Variants in MTUS2 observed in about 807,000 individuals in gnomAD.
The protein encoded by MTUS2 is microtubule associated scaffold protein 2.
A neutral mutation model predicts 114.1 loss-of-function variants in MTUS2; 40 were observed. The ratio of observed to expected loss-of-function variants is 0.35; its 90% CI spans 0.27 to 0.46. The LOEUF is 0.46. Among genes scored for constraint, MTUS2 ranks in the 20% least tolerant of loss-of-function variants. MTUS2 has a pLI of 1.00. For missense variants in MTUS2, 1,679 were observed against 1,705.4 expected (o/e 0.98, Z 0.27); for synonymous variants, 688 against 672.0 (o/e 1.02, Z -0.37).
chr13:28,883,981 A>T (rs975874803), intron 2 of MTUS2, among the ~76,000 whole-genome samples: 7 of 152,122 alleles, frequency 4.6e-5, no homozygotes, highest in Non-Finnish European at 7.4e-5. Flanking sequence ...AAATAGTATG[A>T]TGTTTCCTCA....
intron 8 of MTUS2, among the ~76,000 whole-genome samples, chr13:29,430,774 G>A (rs1876935175): frequency 1.3e-5 from 2 of 152,058 alleles, no homozygotes; most frequent in Non-Finnish European, 2.9e-5. Flanking sequence ...TTACCTATTG[G>A]GCCAGGTATT....
intron 5 of MTUS2, among the ~76,000 whole-genome samples, chr13:29,158,964 G>A (rs1166671898): frequency 6.6e-6 from 1 of 152,184 alleles, no homozygotes; most frequent in Non-Finnish European, 1.5e-5. Context: ...TGATGGAGCA[G>A]TAACTTGGAA....
chr13:29,225,631 T>C (rs1896077417), intron 5 of MTUS2, among the ~76,000 whole-genome samples: 1 of 152,230 alleles, frequency 6.6e-6, no homozygotes, highest in Admixed American at 6.5e-5. Flanking sequence ...ATAGCTGAAA[T>C]GAATTCTCTT....
chr13:29,199,436 T>A (rs560296792), intron 5 of MTUS2, among the ~76,000 whole-genome samples: 6 of 152,374 alleles, frequency 3.9e-5, no homozygotes, highest in African/African-American at 1.4e-4. Flanking sequence ...TTTCTGCATT[T>A]ATTGAGATAA....
intron 5 of MTUS2, among the ~76,000 whole-genome samples, chr13:29,248,930 A>G (rs1458909303): frequency 6.6e-6 from 1 of 152,226 alleles, no homozygotes; most frequent in African/African-American, 2.4e-5. Context: ...TAGTGCTGCA[A>G]TAAACATATG....
intron 5 of MTUS2, among the ~76,000 whole-genome samples, chr13:29,210,659 C>T (rs1412134497): frequency 6.6e-6 from 1 of 152,166 alleles, no homozygotes; most frequent in Non-Finnish European, 1.5e-5. Context: ...AGGGATGGGG[C>T]TTCCTGAGAG....
intron 8 of MTUS2, among the ~76,000 whole-genome samples, chr13:29,416,082 AT>A (rs139281629): frequency 0.022 from 2,794 of 127,696 alleles, 40 homozygotes; most frequent in African/African-American, 0.031. Context: ...CACCCCACTA[AT>A]TTTTTTTTTT....
At chr13:29,483,668 G>A (rs762851879) in intron 10 of MTUS2, among the ~76,000 whole-genome samples, 12 of 152,130 alleles carry the variant, frequency 7.9e-5, no homozygotes, top group Non-Finnish European at 1.3e-4. Flanking sequence ...GGGGACCTGA[G>A]GGGGTGGTGT....
At chr13:28,987,402 G>T (rs1884637741) in intron 2 of MTUS2, among the ~76,000 whole-genome samples, 1 of 152,170 alleles carries the variant, frequency 6.6e-6, no homozygotes. Flanking sequence ...CAGCCTACTA[G>T]AGGGGGAGAA....
At chr13:29,210,981 C>T (rs553839722) in intron 5 of MTUS2, among the ~76,000 whole-genome samples, 39 of 152,102 alleles carry the variant, frequency 2.6e-4, no homozygotes, top group African/African-American at 9.2e-4. Flanking sequence ...CTAATGCCAC[C>T]TGGGTGGTAA....
intron 8 of MTUS2, among the ~76,000 whole-genome samples, chr13:29,383,244 G>GTATATATATATATATATATATATATATA: frequency 1.9e-5 from 1 of 53,540 alleles, no homozygotes; most frequent in African/African-American, 4.2e-5. Context: ...GTGTGTGTGT[G>GTATATATATATATATATATATATATATA]TGTGTGTGTA....
chr13:29,083,036 T>C (rs1889516029), intron 4 of MTUS2, among the ~76,000 whole-genome samples: 1 of 152,040 alleles, frequency 6.6e-6, no homozygotes, highest in Non-Finnish European at 1.5e-5. Context: ...AGGAAGGATA[T>C]TTTGCTTCCT....
chr13:29,214,398 A>G (rs1379113668), intron 5 of MTUS2, among the ~76,000 whole-genome samples: 3 of 152,224 alleles, frequency 2.0e-5, no homozygotes, highest in Admixed American at 1.3e-4. Context: ...TAATCCTGTC[A>G]TCATGATGCT....
At chr13:29,214,224 A>T (rs1895583369) in intron 5 of MTUS2, among the ~76,000 whole-genome samples, 1 of 149,182 alleles carries the variant, frequency 6.7e-6, no homozygotes, top group African/African-American at 2.5e-5. Context: ...GTATTCCTCC[A>T]TCCCTTTATT....
intron 1 of MTUS2, among the ~76,000 whole-genome samples, chr13:28,822,072 T>G (rs1164367022): frequency 2.0e-5 from 3 of 152,240 alleles, no homozygotes; most frequent in South Asian, 4.1e-4. Context: ...TAGGAAAGAT[T>G]ATTTTCCATA....
intron 2 of MTUS2, among the ~76,000 whole-genome samples, chr13:28,858,311 GA>G (rs1257830859): frequency 1.3e-5 from 2 of 152,112 alleles, no homozygotes; most frequent in Admixed American, 1.3e-4. Context: ...CATGTCTAAA[GA>G]AAAAAGCATG....
At chr13:29,426,806 A>G (rs567880458) in intron 8 of MTUS2, among the ~76,000 whole-genome samples, 1 of 152,248 alleles carries the variant, frequency 6.6e-6, no homozygotes, top group Non-Finnish European at 1.5e-5. Context: ...GTTCCACTGC[A>G]TGCATACACC....
chr13:29,026,466 A>G lies in MTUS2; in HGVS notation c.1768A>G (p.Lys590Glu), dbSNP rs768137035. ...LLNTSPKVPD[K>E]NTCPSGIPKP... ...GAACACGTCCCCCAAAGTGCCTGAC[A>G]AGAACACTTGCCCCAGTGGGATCCC... Residue 590 changes from lysine (K) to glutamate (E), a missense_variant, in exon 3 of 16, where the codon AAG (lysine) becomes GAG (glutamate). Lys to Glu is a moderately conservative substitution (Grantham distance 56, BLOSUM62 1). Coordinates refer to ENST00000612955, the MANE Select transcript of MTUS2 (RefSeq NM_001033602.4). 1 of 1,613,978 alleles carries G rather than the reference A, an allele frequency of 6.2e-7. No individual in the cohort carries two copies. The highest frequency in any genetic ancestry group is 1.1e-5 in the South Asian group (1 of 91,080).
At chr13:29,127,561 A>G (rs1891572978) in intron 5 of MTUS2, among the ~76,000 whole-genome samples, 1 of 152,158 alleles carries the variant, frequency 6.6e-6, no homozygotes, top group African/African-American at 2.4e-5. Context: ...CCTGCCCCCA[A>G]GTTTCCACCC....
Sources: gnomAD v4.1 joint callset for allele counts (sites outside exome capture counted in the v4.1 genomes callset) on GRCh38, gnomAD v4.1.1 for gene constraint, MANE v1.5 for transcripts, NCBI Gene and HGNC (gene_info 2026-07-23, HGNC 2026-07-21) for gene names.